ZNF462: variants seen among roughly 807,000 people sequenced by gnomAD.
ZNF462 encodes the protein zinc finger PBX1-interacting protein.
Under a neutral mutation model 201.9 loss-of-function variants are expected in ZNF462, and 10 were observed. That is an observed-to-expected ratio of 0.05 (90% confidence interval 0.03 to 0.08). The LOEUF (loss-of-function observed/expected upper bound fraction) is 0.08, where lower values mean the gene tolerates loss of function less well. Among genes scored for constraint, ZNF462 ranks in the 10% least tolerant of loss-of-function variants. The probability of loss-of-function intolerance (pLI) is 1.00; values close to 1 mark genes in which losing one functional copy is unlikely to be tolerated. For missense variants in ZNF462, 2,523 were observed against 3,168.3 expected, an observed-to-expected ratio of 0.80 and a Z score of 4.89; for synonymous variants, 1,227 against 1,193.3, an observed-to-expected ratio of 1.03 and a Z score of -0.58.
chr9:106,986,883 A>T (rs1827872466), intron 10 of ZNF462, among the ~76,000 whole-genome samples: 3 of 152,016 alleles, frequency 2.0e-5, no homozygotes, highest in Admixed American at 2.0e-4. Context: ...TCCATCCCTG[A>T]GTTACTTCAC....
intron 1 of ZNF462, among the ~76,000 whole-genome samples, chr9:106,910,216 G>A (rs1194724842): frequency 6.6e-6 from 1 of 151,856 alleles, no homozygotes; most frequent in East Asian, 1.9e-4. Flanking sequence ...CTGATGTCTT[G>A]TCATCTTGTC....
intron 1 of ZNF462, among the ~76,000 whole-genome samples, chr9:106,864,150 G>C (rs1000286658): frequency 4.1e-5 from 6 of 148,146 alleles, no homozygotes; most frequent in East Asian, 4.1e-4. Context: ...GGATGTGTCG[G>C]GGGGTGGCTG....
intron 1 of ZNF462, among the ~76,000 whole-genome samples, chr9:106,871,685 G>T (rs1287971267): frequency 6.6e-6 from 1 of 152,224 alleles, no homozygotes; most frequent in Non-Finnish European, 1.5e-5. Context: ...ATGTGACTTT[G>T]GGGTTACAAT....
intron 7 of ZNF462, among the ~76,000 whole-genome samples, chr9:106,961,953 C>A (rs960253955): frequency 5.9e-5 from 9 of 151,848 alleles, no homozygotes; most frequent in African/African-American, 2.2e-4. Context: ...ATATTAGAAG[C>A]CTTGTATGTG....
chr9:106,900,256 C>A (rs1036574329), intron 1 of ZNF462, among the ~76,000 whole-genome samples: 3 of 142,074 alleles, frequency 2.1e-5, no homozygotes, highest in Non-Finnish European at 3.1e-5. Context: ...GTGTGTGTAT[C>A]TCACAGTTTT....
intron 1 of ZNF462, among the ~76,000 whole-genome samples, chr9:106,866,534 A>G (rs1425165359): frequency 1.3e-5 from 2 of 152,178 alleles, no homozygotes; most frequent in African/African-American, 2.4e-5. Flanking sequence ...ACAAAAATGT[A>G]TGGTTTCAGT....
chr9:106,927,204 T>TCCCCCCCCCCCCCCCCCCCCCC lies in ZNF462; in HGVS notation c.3296_3297insCCCCCCCCCCCCCCCCCCCCCC (p.Gln1103ProfsTer17). 1.3e-6 allele frequency: 2 copies of TCCCCCCCCCCCCCCCCCCCCCC among 1,570,608 alleles called. No homozygotes were observed. The highest frequency in any genetic ancestry group is 8.7e-7 in the Non-Finnish European group (1 of 1,149,966). ...GTCTCCCAAAATGTCCAACATGGGTTCCCCACCCCCCCCACAACCCCCGCC... is the reference window on the plus strand; with the variant it reads ...GTCTCCCAAAATGTCCAACATGGGTTCCCCCCCCCCCCCCCCCCCCCCCCCCACCCCCCCCACAACCCCCGCC... On this transcript the variant is annotated frameshift_variant, in exon 3 of 13. Coordinates refer to ENST00000277225, the MANE Select transcript of ZNF462 (RefSeq NM_021224.6). LOFTEE classifies it high-confidence loss of function.
Position 106,928,358 on chromosome 9 carries a change from G to T in ZNF462, c.4446G>T (p.Leu1482Phe). Reference protein sequence around the residue: ...CTVCQSEYNNLHGLLTHYGKK... With the variant: ...CTVCQSEYNNFHGLLTHYGKK... ...TATGCCAATCTGAGTATAACAACTTGCACGGCCTTCTCACTCATTATGGGA... is the reference window on the plus strand; with the variant it reads ...TATGCCAATCTGAGTATAACAACTTTCACGGCCTTCTCACTCATTATGGGA... The change falls in exon 3 of 13, where the codon TTG (leucine) becomes TTT (phenylalanine). Residue 1482 changes from leucine to phenylalanine, a missense_variant. Transcript: ENST00000277225. This position sits in a 1 kb window ranked among gnomAD's most constrained non-coding sequence, Gnocchi z 9.3. 1 of 1,614,140 alleles carries T rather than the reference G, an allele frequency of 6.2e-7. No individual in the cohort carries two copies. Among genetic ancestry groups the T allele is most frequent in the South Asian group, 1.1e-5 (1 of 91,072 alleles).
At chr9:106,999,936 T>C (rs1829056407) in intron 10 of ZNF462, among the ~76,000 whole-genome samples, 1 of 152,082 alleles carries the variant, frequency 6.6e-6, no homozygotes, top group African/African-American at 2.4e-5. Context: ...GTAGTTGGAC[T>C]GGGGAGGGGC....
intron 7 of ZNF462, among the ~76,000 whole-genome samples, chr9:106,953,349 C>T (rs558874305): frequency 6.6e-6 from 1 of 152,160 alleles, no homozygotes; most frequent in Non-Finnish European, 1.5e-5. Flanking sequence ...GAATTCCTTG[C>T]AGCATGACCT....
chr9:106,956,196 T>C (rs1424761869), intron 7 of ZNF462, among the ~76,000 whole-genome samples: 1 of 152,144 alleles, frequency 6.6e-6, no homozygotes, highest in East Asian at 1.9e-4. Flanking sequence ...ACTCTTGAAA[T>C]GGAAATTACT....
chr9:106,937,189 T>G (rs1321727317), intron 6 of ZNF462, among the ~76,000 whole-genome samples: 1 of 152,156 alleles, frequency 6.6e-6, no homozygotes, highest in Non-Finnish European at 1.5e-5. Flanking sequence ...ACCAGCAATA[T>G]TCACACAACC....
At chr9:106,874,863 C>T (rs548341757) in intron 1 of ZNF462, among the ~76,000 whole-genome samples, 1 of 152,318 alleles carries the variant, frequency 6.6e-6, no homozygotes, top group South Asian at 2.1e-4. Context: ...CCATTCTTTT[C>T]TGACCAGTGG....
chr9:106,863,980 T>TC (rs1214367373), intron 1 of ZNF462, among the ~76,000 whole-genome samples: 1 of 149,618 alleles, frequency 6.7e-6, no homozygotes, highest in African/African-American at 2.5e-5. Context: ...TGTCTGCCTG[T>TC]CCCCCGCCCG....
At chr9:106,975,455 A>G (rs145842869) in intron 9 of ZNF462, 5 of 152,198 alleles carry the variant, frequency 3.3e-5, no homozygotes, top group African/African-American at 7.2e-5. Flanking sequence ...TGCAAACTCA[A>G]TGGAAGGCTG....
In ZNF462 at chr9:106,919,922, T is replaced by G. The variant is rs1022487547; in HGVS notation, c.-30-3432T>G. On this transcript the variant is annotated intron_variant, in intron 1 of 12. Transcript: ENST00000277225. This position sits in a 1 kb window ranked among gnomAD's most constrained non-coding sequence, Gnocchi z 4.5. Reference sequence around the variant, plus strand: ...CCTTTTGAAATAGACTCTTTTTAGTTAGTTCAGAAACTTCCTCTTTTACTT... The same window carrying G: ...CCTTTTGAAATAGACTCTTTTTAGTGAGTTCAGAAACTTCCTCTTTTACTT... Among the ~76,000 whole-genome samples the G allele has an allele frequency of 9.2e-5, 14 of 152,228 alleles. No homozygotes were observed. Among genetic ancestry groups the G allele is most frequent in the African/African-American group, 3.4e-4 (14 of 41,460 alleles).
rs1387848590 is a variant in ZNF462 at position 106,938,950 on chromosome 9, C to G, written c.6270C>G (p.Phe2090Leu). 9.3e-6 allele frequency: 15 copies of G among 1,612,714 alleles called. No homozygotes were observed. Among genetic ancestry groups the G allele is most frequent in the African/African-American group, 1.3e-5 (1 of 74,990 alleles). ...CCTACAAGTGTTCTTGGTGCTCATT[C>G]TCCACCATGACAATCAGCCAGCTGA... ...EHAYKCSWCS[F>L]STMTISQLKE... The change falls in exon 7 of 13, where the codon TTC becomes TTG. Residue 2090 changes from phenylalanine to leucine, a missense_variant. Physicochemically the swap from Phe to Leu is conservative, Grantham distance 22. Around this residue, in one of 15 missense-constraint regions of ZNF462, gnomAD observed 138 missense variants for 146.3 expected, o/e 0.94. Coordinates refer to ENST00000277225, the MANE Select transcript of ZNF462 (RefSeq NM_021224.6). The surrounding 1 kb of genome is among the most constrained non-coding windows in gnomAD (Gnocchi z 4.4).
chr9:107,004,461 C>T (rs1293560368), intron 11 of ZNF462, among the ~76,000 whole-genome samples: 2 of 152,078 alleles, frequency 1.3e-5, no homozygotes. Context: ...TATTGTATTT[C>T]CTTGTACATT....
intron 10 of ZNF462, among the ~76,000 whole-genome samples, chr9:107,001,071 A>T (rs528892674): frequency 6.6e-6 from 1 of 152,174 alleles, no homozygotes; most frequent in East Asian, 1.9e-4. Flanking sequence ...TGTCCTTTAC[A>T]CGTATTTATA....
Sources: allele counts gnomAD v4.1 joint callset (sites outside exome capture counted in the v4.1 genomes callset), GRCh38; gene constraint gnomAD v4.1.1; regional missense constraint gnomAD v4.1.1; non-coding constraint Gnocchi (gnomAD v3.1); transcripts MANE v1.5; gene names NCBI Gene and HGNC (gene_info 2026-07-23, HGNC 2026-07-21).